The following C1QTNF7 variants were observed in gnomAD, a reference collection of about 807,000 sequenced individuals.
The protein encoded by C1QTNF7 is C1q and TNF related 7.
Under a neutral mutation model 19.6 loss-of-function variants are expected in C1QTNF7, and 15 were observed. The ratio of observed to expected loss-of-function variants is 0.76; its 90% CI spans 0.51 to 1.18. C1QTNF7 has a LOEUF of 1.18. Among genes scored for constraint, C1QTNF7 ranks in the 50% most tolerant of loss-of-function variants. C1QTNF7 has a pLI of 0.00. For missense variants in C1QTNF7, 324 were observed against 359.7 expected (o/e 0.90, Z 0.80); for synonymous variants, 142 against 137.5 (o/e 1.03, Z -0.23).
At chr4:15,425,646 T>A (rs186746641), upstream of C1QTNF7, among the ~76,000 whole-genome samples, 14 of 152,288 alleles carry the variant, frequency 9.2e-5, no homozygotes, top group Admixed American at 2.6e-4. Flanking sequence ...TGGTAAGTAG[T>A]TAGGTGTGTC....
chr4:15,361,655 G>A (rs905483174), intron 1 of C1QTNF7, among the ~76,000 whole-genome samples: 8 of 152,122 alleles, frequency 5.3e-5, no homozygotes, highest in African/African-American at 1.2e-4. Context: ...CATGCCCTGT[G>A]TAGTCAGATT....
chr4:15,398,462 A>G (rs1480894078), intron 1 of C1QTNF7, among the ~76,000 whole-genome samples: 3 of 152,034 alleles, frequency 2.0e-5, no homozygotes, highest in Non-Finnish European at 2.9e-5. Flanking sequence ...TTGTCCTCCA[A>G]TATCTACCTT....
chr4:15,439,627 T>C lies in C1QTNF7; in HGVS notation c.239-2541T>C, dbSNP rs2108941408. 1.3e-5 allele frequency among the ~76,000 whole-genome samples: 2 copies of C among 152,318 alleles called. 1 individual carries two copies. Among genetic ancestry groups the C allele is most frequent in the East Asian group, 3.9e-4 (2 of 5,192 alleles). Reference sequence around the variant, plus strand: ...AAATGACTCGCCCAAAATTTAAATTTCAGTTTAGCTTAATAAAATTTCTCA... The same window carrying C: ...AAATGACTCGCCCAAAATTTAAATTCCAGTTTAGCTTAATAAAATTTCTCA... On this transcript the variant is annotated intron_variant, in intron 2 of 2. Transcript: ENST00000444304.
At chr4:15,344,812 T>C (rs1716660133) in intron 1 of C1QTNF7, among the ~76,000 whole-genome samples, 1 of 152,224 alleles carries the variant, frequency 6.6e-6, no homozygotes, top group Non-Finnish European at 1.5e-5. Flanking sequence ...CATTTTTATA[T>C]ATTCCTTCGG....
intron 1 of C1QTNF7, among the ~76,000 whole-genome samples, chr4:15,388,628 A>G (rs1718433329): frequency 6.6e-6 from 1 of 152,204 alleles, no homozygotes; most frequent in Admixed American, 6.5e-5. Flanking sequence ...TGGTAATGAC[A>G]AGGTCAATGA....
chr4:15,420,898 CATT>C (rs1163021400), intron 1 of C1QTNF7, among the ~76,000 whole-genome samples: 1 of 123,554 alleles, frequency 8.1e-6, no homozygotes, highest in African/African-American at 3.1e-5. Context: ...CACACTGAGT[CATT>C]GTTGGATTTC....
At chr4:15,414,785 A>AT (rs1031019932) in intron 1 of C1QTNF7, among the ~76,000 whole-genome samples, 12 of 151,338 alleles carry the variant, frequency 7.9e-5, no homozygotes, top group South Asian at 4.2e-4. Context: ...GAGTTGTTCT[A>AT]TTTTTTTTTC....
chr4:15,380,920 G>C (rs1718117524), intron 1 of C1QTNF7, among the ~76,000 whole-genome samples: 1 of 152,008 alleles, frequency 6.6e-6, no homozygotes, highest in African/African-American at 2.4e-5. Context: ...GGGCAACAGA[G>C]TGAGACTCTG....
chr4:15,383,761 G>T (rs544869544), intron 1 of C1QTNF7, among the ~76,000 whole-genome samples: 23 of 152,308 alleles, frequency 1.5e-4, no homozygotes, highest in African/African-American at 5.3e-4. Flanking sequence ...GGGCTGATTT[G>T]CTTTCTTCAC....
intron 2 of C1QTNF7, 136 bp from the exon 3 acceptor site, chr4:15,442,032 A>AT: frequency 2.4e-6 from 2 of 838,488 alleles, no homozygotes; most frequent in African/African-American, 1.7e-5. Context: ...AAAAAAAAAA[A>AT]GTTTATTATT....
At chr4:15,369,633 CTG>C (rs1181305621) in intron 1 of C1QTNF7, among the ~76,000 whole-genome samples, 2 of 152,124 alleles carry the variant, frequency 1.3e-5, no homozygotes, top group Non-Finnish European at 2.9e-5. Flanking sequence ...ACTTTGAAAA[CTG>C]AGCAATTAAC....
intron 1 of C1QTNF7, among the ~76,000 whole-genome samples, chr4:15,376,549 G>A (rs1217162797): frequency 6.6e-6 from 1 of 152,214 alleles, no homozygotes; most frequent in Non-Finnish European, 1.5e-5. Flanking sequence ...TGTAAAGTTT[G>A]AGAGTTGATA....
In C1QTNF7 at chr4:15,445,568, T is replaced by C. The variant is rs1393515341; in HGVS notation, c.*2769T>C. 6.6e-6 allele frequency: 1 copy of C among 152,214 alleles called. No individual in the cohort carries two copies. Among genetic ancestry groups the C allele is most frequent in the African/African-American group, 2.4e-5 (1 of 41,448 alleles). The allele number at this position is 152,214 out of a possible 1,614,324, so 9.4% of individuals were successfully genotyped here. A position where few individuals can be genotyped will look rare whatever the true frequency, so the allele number is the denominator to read the frequency against. On this transcript the variant is annotated 3_prime_UTR_variant, in exon 3 of 3. Coordinates refer to ENST00000444304, the MANE Select transcript of C1QTNF7 (RefSeq NM_031911.5). Reference sequence around the variant, plus strand: ...TTTCGTTTTCAAATATCTGGTGGGATGGTAATGGGGATTAGAGAACTGACA... The same window carrying C: ...TTTCGTTTTCAAATATCTGGTGGGACGGTAATGGGGATTAGAGAACTGACA...
intron 1 of C1QTNF7, among the ~76,000 whole-genome samples, chr4:15,346,076 T>C (rs756802200): frequency 6.6e-6 from 1 of 152,252 alleles, no homozygotes; most frequent in Non-Finnish European, 1.5e-5. Flanking sequence ...TATTTCCAAC[T>C]AAAGTGTATT....
At chr4:15,353,706 T>C (rs1403617491) in intron 1 of C1QTNF7, among the ~76,000 whole-genome samples, 2 of 151,532 alleles carry the variant, frequency 1.3e-5, no homozygotes, top group East Asian at 1.9e-4. Context: ...ATTCTTCCAA[T>C]TACCCCTCAA....
chr4:15,369,216 A>G (rs1241963959), intron 1 of C1QTNF7, among the ~76,000 whole-genome samples: 1 of 152,238 alleles, frequency 6.6e-6, no homozygotes, highest in Non-Finnish European at 1.5e-5. Flanking sequence ...GAGTCTCTGC[A>G]CACAAGTTGT....
At chr4:15,360,305 T>C (rs1354081922) in intron 1 of C1QTNF7, among the ~76,000 whole-genome samples, 1 of 152,210 alleles carries the variant, frequency 6.6e-6, no homozygotes, top group Admixed American at 6.5e-5. Context: ...ATAGTGAATT[T>C]GAACCATTGC....
chr4:15,410,025 G>A (rs1719348730), intron 1 of C1QTNF7, among the ~76,000 whole-genome samples: 1 of 152,146 alleles, frequency 6.6e-6, no homozygotes, highest in Non-Finnish European at 1.5e-5. Flanking sequence ...GCCAGAAAGT[G>A]TATGTGCTAA....
chr4:15,364,423 C>G (rs899332427), intron 1 of C1QTNF7, among the ~76,000 whole-genome samples: 1 of 152,148 alleles, frequency 6.6e-6, no homozygotes, highest in Non-Finnish European at 1.5e-5. Context: ...CCACTGAGAT[C>G]TGGGAGGTGT....
Sources: gnomAD v4.1 joint callset for allele counts (sites outside exome capture counted in the v4.1 genomes callset) on GRCh38, gnomAD v4.1.1 for gene constraint, MANE v1.5 for transcripts, NCBI Gene and HGNC (gene_info 2026-07-23, HGNC 2026-07-21) for gene names.